The following PKHD1 variants were observed in gnomAD, a reference collection of about 807,000 sequenced individuals.
PKHD1 encodes the protein PKHD1 ciliary IPT domain containing fibrocystin/polyductin.
A neutral mutation model predicts 412.0 loss-of-function variants in PKHD1; 291 were observed. The observed-to-expected ratio is 0.71, with a 90% CI of 0.64 to 0.78. The LOEUF (loss-of-function observed/expected upper bound fraction) is 0.78, where lower values mean the gene tolerates loss of function less well. Among genes scored for constraint, PKHD1 ranks in the 30% least tolerant of loss-of-function variants. PKHD1 has a pLI of 0.00. For synonymous variants in PKHD1, 1,777 were observed against 1,821.5 expected (o/e 0.98, Z 0.62); for missense variants, 4,825 against 4,950.7 (o/e 0.97, Z 0.76).
In PKHD1 at chr6:52,064,999, G is replaced by A; in HGVS notation, c.932C>T (p.Thr311Ile). 1 of 1,604,670 alleles carries A rather than the reference G, an allele frequency of 6.2e-7. No individual in the cohort carries two copies. The highest frequency in any genetic ancestry group is 1.1e-5 in the South Asian group (1 of 90,772). ...CCTCACATCTTTTCCTGGAGCCCGAGTGGTGCACTCAATCTTCCTGGGAGA... is the reference window on the plus strand; with the variant it reads ...CCTCACATCTTTTCCTGGAGCCCGAATGGTGCACTCAATCTTCCTGGGAGA... The part of the protein sequence containing the change: ...HVSPRKIECT[T>I]RAPGKDVRLT... Residue 311 changes from threonine to isoleucine, a missense_variant, in exon 13 of 67, where the codon ACT becomes ATT. By Grantham distance (89) the Thr-to-Ile change is moderately conservative. Transcript: ENST00000371117.
intron 35 of PKHD1, among the ~76,000 whole-genome samples, chr6:51,993,904 A>G (rs1797359686): frequency 6.6e-6 from 1 of 152,162 alleles, no homozygotes; most frequent in Non-Finnish European, 1.5e-5. Flanking sequence ...GCTAAAAATG[A>G]CCTAGCCCAA....
At chr6:52,003,521 C>T (rs1798690022) in intron 35 of PKHD1, among the ~76,000 whole-genome samples, 1 of 152,136 alleles carries the variant, frequency 6.6e-6, no homozygotes, top group Non-Finnish European at 1.5e-5. Context: ...CTCATATACT[C>T]CTTAACCCCC....
intron 52 of PKHD1, among the ~76,000 whole-genome samples, chr6:51,816,849 C>T (rs770874925): frequency 6.6e-6 from 1 of 152,204 alleles, no homozygotes; most frequent in Admixed American, 6.5e-5. Context: ...AATTTGCAAA[C>T]GGTTCTTTGC....
intron 33 of PKHD1, among the ~76,000 whole-genome samples, chr6:52,020,726 C>T (rs1410303393): frequency 2.6e-5 from 4 of 152,102 alleles, no homozygotes; most frequent in Non-Finnish European, 2.9e-5. Flanking sequence ...AGAGCAACTG[C>T]GAAACACTTG....
At chr6:51,727,267 T>C (rs1291814075) in intron 60 of PKHD1, among the ~76,000 whole-genome samples, 1 of 152,176 alleles carries the variant, frequency 6.6e-6, no homozygotes, top group Non-Finnish European at 1.5e-5. Flanking sequence ...ATGTTACTGA[T>C]GGAAGGTATC....
At chr6:51,851,792 TTTCTC>T (rs990014769) in intron 49 of PKHD1, among the ~76,000 whole-genome samples, 1 of 151,664 alleles carries the variant, frequency 6.6e-6, no homozygotes, top group South Asian at 2.1e-4. Flanking sequence ...ATTTGACTCT[TTTCTC>T]TTCTTTGTTA....
intron 48 of PKHD1, among the ~76,000 whole-genome samples, chr6:51,861,682 C>A (rs761869556): frequency 1.3e-5 from 2 of 152,202 alleles, no homozygotes; most frequent in African/African-American, 2.4e-5. Flanking sequence ...TCTGCTAACA[C>A]CTGCCACCAT....
In PKHD1 at chr6:51,912,509, A is replaced by T. The variant is rs761283581; in HGVS notation, c.6189T>A (p.Ala2063=). The change falls in exon 38 of 67, where the codon GCT becomes GCA. Residue 2063 remains alanine (A), a synonymous_variant. Transcript: ENST00000371117. ...ATAHALDTVL[A]LEDAVDWNPG... ...GGTTCCAGTCCACAGCATCTTCTAA[A>T]GCCAGCACTGTGTCTAGGGCATGGG... is the stretch of plus-strand genomic sequence containing the variant. 2 of 1,613,410 alleles carry T rather than the reference A, an allele frequency of 1.2e-6. No homozygotes were observed. The highest frequency in any genetic ancestry group is 3.3e-5 in the Admixed American group (2 of 59,934).
intron 52 of PKHD1, among the ~76,000 whole-genome samples, chr6:51,814,697 G>T (rs1279172045): frequency 6.6e-6 from 1 of 152,166 alleles, no homozygotes; most frequent in East Asian, 1.9e-4. Flanking sequence ...CAGGAGGCCT[G>T]TCAACTGCTC....
chr6:51,667,328 C>G (rs1773998474), intron 60 of PKHD1, among the ~76,000 whole-genome samples: 1 of 151,326 alleles, frequency 6.6e-6, no homozygotes, highest in African/African-American at 2.4e-5. Context: ...TGTTTTTTGG[C>G]TGCATAAATG....
chr6:51,947,969 C>T (rs1247520768), intron 36 of PKHD1, among the ~76,000 whole-genome samples: 1 of 152,112 alleles, frequency 6.6e-6, no homozygotes, highest in Non-Finnish European at 1.5e-5. Context: ...TTCATCCTTG[C>T]AATTGCTAAG....
chr6:52,020,914 GAA>G (rs67254109), intron 33 of PKHD1, among the ~76,000 whole-genome samples: 72 of 149,148 alleles, frequency 4.8e-4, no homozygotes, highest in Admixed American at 5.3e-4. Flanking sequence ...ACTTCCTAGG[GAA>G]AAAAAAAAAA....
intron 1 of PKHD1, among the ~76,000 whole-genome samples, chr6:52,086,877 A>C (rs62406058): frequency 0.053 from 8,036 of 152,284 alleles, 296 homozygotes; most frequent in East Asian, 0.11. Flanking sequence ...AAAGTACCCA[A>C]GCGTATTTGC....
intron 60 of PKHD1, among the ~76,000 whole-genome samples, chr6:51,699,456 T>A (rs1779166860): frequency 6.6e-6 from 1 of 152,188 alleles, no homozygotes; most frequent in African/African-American, 2.4e-5. Flanking sequence ...AGTGTACTTA[T>A]CCACACTCTT....
chr6:51,766,806 T>C (rs1410220245), intron 55 of PKHD1, among the ~76,000 whole-genome samples: 1 of 151,942 alleles, frequency 6.6e-6, no homozygotes, highest in Non-Finnish European at 1.5e-5. Flanking sequence ...GTGCAAACAT[T>C]TTCTAGTTGA....
At position 51,744,388 on chromosome 6, in the gene PKHD1, C is replaced by T. The variant is rs200762675; in HGVS notation, c.10153G>A (p.Ala3385Thr). Residue 3385 changes from alanine to threonine, a missense_variant, in exon 60 of 67, where the codon GCA becomes ACA. Coordinates refer to ENST00000371117, the MANE Select transcript of PKHD1 (RefSeq NM_138694.4). ...ATTGCATTCAGATATAGCTTACCTG[C>T]GTTGAAGAAGGATGCAGTCCATTCT... Reference protein sequence around the residue: ...EAEWTASFFNAGTFREEQKCT... With the variant: ...EAEWTASFFNTGTFREEQKCT... 13 of 1,613,648 alleles carry T rather than the reference C, an allele frequency of 8.1e-6. No individual in the cohort carries two copies. The highest frequency in any genetic ancestry group is 3.3e-5 in the South Asian group (3 of 91,070).
chr6:51,627,400 T>G lies in PKHD1; in HGVS notation c.11666-284A>C, dbSNP rs149331605. On this transcript the variant is annotated intron_variant, in intron 65 of 66. Transcript: ENST00000371117. Reference sequence around the variant, plus strand: ...AAATTGAGATGTATTGTAAGTATAATGTACACACTCAATTTTGAAAAAAAG... The same window carrying G: ...AAATTGAGATGTATTGTAAGTATAAGGTACACACTCAATTTTGAAAAAAAG... Among the ~76,000 whole-genome samples the G allele has an allele frequency of 2.3e-4, 35 of 151,870 alleles. No homozygotes were observed. The East Asian group carries it at 6.8e-3, about 30-fold the overall frequency.
intron 11 of PKHD1, among the ~76,000 whole-genome samples, chr6:52,067,075 C>A (rs2128225442): frequency 6.6e-6 from 1 of 152,168 alleles, no homozygotes; most frequent in Middle Eastern, 3.4e-3. Flanking sequence ...ACTGAAGGTA[C>A]AAAAGCTAAT....
intron 63 of PKHD1, among the ~76,000 whole-genome samples, chr6:51,647,095 AT>A (rs1376224568): frequency 6.6e-6 from 1 of 152,090 alleles, no homozygotes; most frequent in Non-Finnish European, 1.5e-5. Context: ...CTTTGCCTTA[AT>A]TCTGTTTCTC....
Sources: allele counts gnomAD v4.1 joint callset (sites outside exome capture counted in the v4.1 genomes callset), GRCh38; gene constraint gnomAD v4.1.1; transcripts MANE v1.5; gene names NCBI Gene and HGNC (gene_info 2026-07-23, HGNC 2026-07-21).